Variants in PTPN23 observed in about 807,000 individuals in gnomAD.
The protein encoded by PTPN23 is tyrosine-protein phosphatase non-receptor type 23.
Under a neutral mutation model 156.3 loss-of-function variants are expected in PTPN23, and 72 were observed. The observed-to-expected ratio is 0.46, with a 90% CI of 0.38 to 0.56. The LOEUF (loss-of-function observed/expected upper bound fraction) is 0.56. Ranked by LOEUF, PTPN23 falls within the 20% of genes least tolerant of loss-of-function variation. The probability of loss-of-function intolerance (pLI) is 0.00; values close to 1 mark genes in which losing one functional copy is unlikely to be tolerated. For missense variants in PTPN23, 1,974 were observed against 2,171.5 expected, an observed-to-expected ratio of 0.91 and a Z score of 1.81; for synonymous variants, 957 against 899.6, an observed-to-expected ratio of 1.06 and a Z score of -1.14.
rs762655854 is a variant in PTPN23, at chr3:47,412,260, C to T, written c.4179-23C>T. ...TCTTGGCCTAGCCTCATACCCCGGC[C>T]TCATAACCCCTTCTTGGCACAGCTC... On this transcript the variant is annotated intron_variant, in intron 22 of 24. Transcript: ENST00000265562. 3 of 1,612,954 alleles carry T rather than the reference C, an allele frequency of 1.9e-6. No individual in the cohort carries two copies. In the South Asian group the frequency reaches 3.3e-5, roughly 18 times the overall value.
Position 47,405,443 on chromosome 3 carries a change from T to A in PTPN23, c.365-306T>A. On this transcript the variant is annotated intron_variant, in intron 4 of 24. Coordinates refer to ENST00000265562, the MANE Select transcript of PTPN23 (RefSeq NM_015466.4). This position sits in a 1 kb window ranked among gnomAD's most constrained non-coding sequence, Gnocchi z 4.7. ...CCTCAGCTTACCCTGCTAGTCAGCCTTAGCCTGGCTCAAGGGAGAAGCTTG... is the reference window on the plus strand; with the variant it reads ...CCTCAGCTTACCCTGCTAGTCAGCCATAGCCTGGCTCAAGGGAGAAGCTTG... 1 of 540,160 alleles carries A rather than the reference T, an allele frequency of 1.9e-6. No homozygotes were observed. The allele number at this position is 540,160 out of a possible 1,614,324, so 33.5% of individuals were successfully genotyped here. A position where few individuals can be genotyped will look rare whatever the true frequency, so the allele number is the denominator to read the frequency against.
intron 1 of PTPN23, among the ~76,000 whole-genome samples, chr3:47,383,411 C>G (rs992091658): frequency 5.9e-5 from 9 of 152,236 alleles, no homozygotes; most frequent in African/African-American, 1.9e-4. Context: ...TAATCTTTCT[C>G]TTCTCTTAAT....
At chr3:47,384,673 C>A (rs1361700411) in intron 1 of PTPN23, among the ~76,000 whole-genome samples, 2 of 151,934 alleles carry the variant, frequency 1.3e-5, no homozygotes, top group African/African-American at 4.8e-5. Context: ...ACAAGCCTTC[C>A]ATTATGGCAT....
In PTPN23 at chr3:47,409,189, A is replaced by G; in HGVS notation, c.1669A>G (p.Lys557Glu). The change falls in exon 17 of 25, where the codon AAG becomes GAG. Residue 557 changes from lysine (K) to glutamate (E), a missense_variant. Around this residue, in one of 4 missense-constraint regions of PTPN23, gnomAD observed 726 missense variants for 929.5 expected, o/e 0.78. Coordinates refer to ENST00000265562, the MANE Select transcript of PTPN23 (RefSeq NM_015466.4). ...GGACAAGGCCGTGCTGCAAAACCTA[A>G]AGCGCATCCTGGCTAAGGTGCAGGA... ...PEDKAVLQNL[K>E]RILAKVQEMR... 1.9e-6 allele frequency: 3 copies of G among 1,614,108 alleles called. No homozygotes were observed. Among genetic ancestry groups the G allele is most frequent in the Non-Finnish European group, 2.5e-6 (3 of 1,180,010 alleles).
At position 47,413,284 on chromosome 3, in the gene PTPN23, C is replaced by G; in HGVS notation, c.*99C>G. The G allele has an allele frequency of 6.8e-7, 1 of 1,475,366 alleles. No homozygotes were observed. Among genetic ancestry groups the G allele is most frequent in the Non-Finnish European group, 9.2e-7 (1 of 1,091,048 alleles). 91.4% of individuals were successfully genotyped at this position (1,475,366 alleles called of 1,614,324 possible). Reference sequence around the variant, plus strand: ...TTCTCAGTGGGCACAGTCTCTTACTCCCATTTCTGCTGCCTTTGGCCCTGC... The same window carrying G: ...TTCTCAGTGGGCACAGTCTCTTACTGCCATTTCTGCTGCCTTTGGCCCTGC... On this transcript the variant is annotated 3_prime_UTR_variant, in exon 25 of 25. Coordinates refer to ENST00000265562, the MANE Select transcript of PTPN23 (RefSeq NM_015466.4).
chr3:47,406,848 G>C lies in PTPN23; in HGVS notation c.807+98G>C. 2 of 1,478,640 alleles carry C rather than the reference G, an allele frequency of 1.4e-6. No individual in the cohort carries two copies. Among genetic ancestry groups the C allele is most frequent in the Non-Finnish European group, 1.9e-6 (2 of 1,078,722 alleles). The allele number at this position is 1,478,640 out of a possible 1,614,324, so 91.6% of individuals were successfully genotyped here. On this transcript the variant is annotated intron_variant, in intron 9 of 24. Coordinates refer to ENST00000265562, the MANE Select transcript of PTPN23 (RefSeq NM_015466.4). This position sits in a 1 kb window ranked among gnomAD's most constrained non-coding sequence, Gnocchi z 5.8. Reference sequence around the variant, plus strand: ...TACACACCAGGGGGTGGCCTTCTCTGTCTCACCCTGGCCATCACCCTGCTG... The same window carrying C: ...TACACACCAGGGGGTGGCCTTCTCTCTCTCACCCTGGCCATCACCCTGCTG...
Position 47,412,202 on chromosome 3 carries a change from G to A in PTPN23, c.4178+4G>A. 1 of 1,613,260 alleles carries A rather than the reference G, an allele frequency of 6.2e-7. No homozygotes were observed. The highest frequency in any genetic ancestry group is 2.2e-5 in the East Asian group (1 of 44,890). Reference sequence around the variant, plus strand: ...CGCCCATCATTGTGCACTGCAGGTAGAGGGTGGGCCTGAGGGTCTCTCCTC... The same window carrying A: ...CGCCCATCATTGTGCACTGCAGGTAAAGGGTGGGCCTGAGGGTCTCTCCTC... On this transcript the variant is annotated splice_donor_region_variant and intron_variant, in intron 22 of 24. Transcript: ENST00000265562.
chr3:47,395,471 G>A (rs1200728909), intron 1 of PTPN23, among the ~76,000 whole-genome samples: 1 of 152,222 alleles, frequency 6.6e-6, no homozygotes, highest in East Asian at 1.9e-4. Flanking sequence ...TGTGCCTCCA[G>A]GTGGGTGTGT....
At chr3:47,390,656 T>G (rs1704755247) in intron 1 of PTPN23, among the ~76,000 whole-genome samples, 1 of 152,176 alleles carries the variant, frequency 6.6e-6, no homozygotes, top group Non-Finnish European at 1.5e-5. Context: ...CCAGCCTCTT[T>G]CTTCTTTTTT....
In PTPN23 at chr3:47,407,922, T is replaced by C. The variant is rs1340032113; in HGVS notation, c.1151T>C (p.Met384Thr). ...AAGGCCAAGCTGCTCCGGGAGATGA[T>C]GGCCAAGATTGAGGACAAGAATGAG... is the stretch of plus-strand genomic sequence containing the variant. The part of the protein sequence containing the change: ...EEKAKLLREM[M>T]AKIEDKNEVL... The change falls in exon 14 of 25, where the codon ATG becomes ACG. Residue 384 changes from methionine to threonine, a missense_variant. Physicochemically the swap from Met to Thr is moderately conservative, Grantham distance 81. Around this residue, in one of 4 missense-constraint regions of PTPN23, gnomAD observed 726 missense variants for 929.5 expected, o/e 0.78. Coordinates refer to ENST00000265562, the MANE Select transcript of PTPN23 (RefSeq NM_015466.4). This position sits in a 1 kb window ranked among gnomAD's most constrained non-coding sequence, Gnocchi z 4.0. 2 of 1,614,106 alleles carry C rather than the reference T, an allele frequency of 1.2e-6. No individual in the cohort carries two copies. Among genetic ancestry groups the C allele is most frequent in the South Asian group, 1.1e-5 (1 of 91,086 alleles).
chr3:47,406,031 C>T lies in PTPN23; in HGVS notation c.531C>T (p.Asn177=), dbSNP rs199645947. The change falls in exon 6 of 25, where the codon AAC becomes AAT. Residue 177 remains asparagine (N), a synonymous_variant. Coordinates refer to ENST00000265562, the MANE Select transcript of PTPN23 (RefSeq NM_015466.4). The surrounding 1 kb of genome is among the most constrained non-coding windows in gnomAD (Gnocchi z 5.8). ...VDMSRQILTL[N]VNLMLGQAQE... ...TGAGCCGCCAGATCCTTACGCTCAA[C>T]GTCAACCTCATGCTGGTGAGGAGGC... 266 of 1,612,826 alleles carry T rather than the reference C, an allele frequency of 1.6e-4. No homozygotes were observed. Among genetic ancestry groups the T allele is most frequent in the Middle Eastern group, 1.5e-3 (9 of 6,084 alleles).
At chr3:47,386,800 C>A (rs1704663135) in intron 1 of PTPN23, among the ~76,000 whole-genome samples, 4 of 152,192 alleles carry the variant, frequency 2.6e-5, no homozygotes, top group Admixed American at 2.6e-4. Context: ...GTATTTGCAG[C>A]GGAACAGCTC....
rs768367523 is a variant in PTPN23, at chr3:47,411,838, C to T, written c.3944C>T (p.Ala1315Val). The change falls in exon 21 of 25, where the codon GCC (alanine) becomes GTC (valine). Residue 1315 changes from alanine (A) to valine (V), a missense_variant. Ala to Val is a moderately conservative substitution (Grantham distance 64). Around this residue, in one of 4 missense-constraint regions of PTPN23, gnomAD observed 484 missense variants for 516.0 expected, o/e 0.94. Transcript: ENST00000265562. This position sits in a 1 kb window ranked among gnomAD's most constrained non-coding sequence, Gnocchi z 6.3. Reference sequence around the variant, plus strand: ...AGGGGCCAGCCCATGGTGCACGGTGCCCTGAGCCTGGCATTGAGCAGCGTC... The same window carrying T: ...AGGGGCCAGCCCATGGTGCACGGTGTCCTGAGCCTGGCATTGAGCAGCGTC... ...TERGQPMVHG[A>V]LSLALSSVRS... 6.2e-7 allele frequency: 1 copy of T among 1,613,168 alleles called. No individual in the cohort carries two copies. Among genetic ancestry groups the T allele is most frequent in the Admixed American group, 1.7e-5 (1 of 60,000 alleles).
rs754694169 is a variant in PTPN23 at position 47,410,591 on chromosome 3, C to T, written c.2793C>T (p.Pro931=). The T allele has an allele frequency of 6.2e-7, 1 of 1,612,238 alleles. No individual in the cohort carries two copies. Among genetic ancestry groups the T allele is most frequent in the Non-Finnish European group, 8.5e-7 (1 of 1,179,526 alleles). Residue 931 remains proline, a synonymous_variant, in exon 20 of 25, where the codon CCC becomes CCT. Coordinates refer to ENST00000265562, the MANE Select transcript of PTPN23 (RefSeq NM_015466.4). ...PYTYPAGAKQ[P]IPAQHHFSSG... ...CCTACCCTGCAGGGGCTAAGCAACC[C>T]ATCCCGGCACAGCACCACTTCTCTT... is the stretch of plus-strand genomic sequence containing the variant.
At chr3:47,393,228 C>T (rs142947954) in intron 1 of PTPN23, among the ~76,000 whole-genome samples, 2 of 152,264 alleles carry the variant, frequency 1.3e-5, no homozygotes, top group African/African-American at 2.4e-5. Context: ...TCTCAGCTCA[C>T]TGCAACCTCC....
intron 1 of PTPN23, among the ~76,000 whole-genome samples, chr3:47,389,840 C>CAAAAA (rs34520125): frequency 3.1e-5 from 1 of 32,346 alleles, no homozygotes; most frequent in Admixed American, 3.6e-4. Flanking sequence ...GACTCCGTCT[C>CAAAAA]AAAAAAAAAA....
chr3:47,405,075 A>C lies in PTPN23; in HGVS notation c.358A>C (p.Asn120His). 6.2e-7 allele frequency: 1 copy of C among 1,614,048 alleles called. No individual in the cohort carries two copies. The highest frequency in any genetic ancestry group is 8.5e-7 in the Non-Finnish European group (1 of 1,179,972). The change falls in exon 4 of 25, where the codon AAC becomes CAC. Residue 120 changes from asparagine (N) to histidine (H), a missense_variant. Around this residue, in one of 4 missense-constraint regions of PTPN23, gnomAD observed 726 missense variants for 929.5 expected, o/e 0.78. Coordinates refer to ENST00000265562, the MANE Select transcript of PTPN23 (RefSeq NM_015466.4). This position sits in a 1 kb window ranked among gnomAD's most constrained non-coding sequence, Gnocchi z 4.7. ...GTACGAGCAGGCCTGTATTCTCTAC[A>C]ACCTTGGTGAGCTGCCTGATCCCTT... is the stretch of plus-strand genomic sequence containing the variant. Reference protein sequence around the residue: ...IKYEQACILYNLGALHSMLGA... With the variant: ...IKYEQACILYHLGALHSMLGA...
rs760538319 is a variant in PTPN23 at position 47,411,089 on chromosome 3, A to T, written c.3291A>T (p.Val1097=). Residue 1097 remains valine, a synonymous_variant, in exon 20 of 25, where the codon GTA becomes GTT. Transcript: ENST00000265562. This position sits in a 1 kb window ranked among gnomAD's most constrained non-coding sequence, Gnocchi z 6.3. ...CCCCATCTCCAGGGCCTGGTCCGGT[A>T]CCCCCTCGCCCCCCAGCAGCAGAAC... The part of the protein sequence containing the change: ...SPAPSPGPGP[V]PPRPPAAEPP... 26 of 1,588,404 alleles carry T rather than the reference A, an allele frequency of 1.6e-5. No individual in the cohort carries two copies. The highest frequency in any genetic ancestry group is 2.1e-5 in the Non-Finnish European group (24 of 1,168,582).
At chr3:47,409,892 G>A in intron 19 of PTPN23, 36 bp from the exon 20 acceptor site, 1 of 1,577,220 alleles carries the variant, frequency 6.3e-7, no homozygotes, top group Non-Finnish European at 8.6e-7. Context: ...GGGGTGATGG[G>A]AGCCTGGCCC....
Sources: allele counts gnomAD v4.1 joint callset (sites outside exome capture counted in the v4.1 genomes callset), GRCh38; gene constraint gnomAD v4.1.1; regional missense constraint gnomAD v4.1.1; non-coding constraint Gnocchi (gnomAD v3.1); transcripts MANE v1.5; gene names NCBI Gene and HGNC (gene_info 2026-07-23, HGNC 2026-07-21).